ERBB4: variants seen among roughly 807,000 people sequenced by gnomAD.
ERBB4 encodes receptor tyrosine-protein kinase erbB-4.
ERBB4 carries 42 observed loss-of-function variants against 158.0 expected under a neutral mutation model. The observed-to-expected ratio is 0.27, with a 90% CI of 0.21 to 0.34. The LOEUF (loss-of-function observed/expected upper bound fraction) is 0.34. Among genes scored for constraint, ERBB4 ranks in the 10% least tolerant of loss-of-function variants. The pLI, the probability that ERBB4 is intolerant of heterozygous loss-of-function variation, is 1.00. For synonymous variants in ERBB4, 583 were observed against 558.7 expected, an observed-to-expected ratio of 1.04 and a Z score of -0.61; for missense variants, 1,333 against 1,624.1, an observed-to-expected ratio of 0.82 and a Z score of 3.08.
chr2:211,485,714 G>T (rs2065186557), intron 20 of ERBB4, among the ~76,000 whole-genome samples: 2 of 133,422 alleles, frequency 1.5e-5, no homozygotes, highest in South Asian at 2.9e-4. Flanking sequence ...TCAGTGGGGT[G>T]GGGGGAGGGG....
intron 1 of ERBB4, among the ~76,000 whole-genome samples, chr2:212,345,348 A>G (rs1488482123): frequency 6.6e-6 from 1 of 151,770 alleles, no homozygotes; most frequent in East Asian, 1.9e-4. Context: ...GCTATTCCTA[A>G]CAGAGTTTTA....
At chr2:212,262,919 G>A (rs1203837736) in intron 1 of ERBB4, among the ~76,000 whole-genome samples, 2 of 152,026 alleles carry the variant, frequency 1.3e-5, no homozygotes, top group African/African-American at 4.8e-5. Context: ...ATGTTCATTT[G>A]CAGTTATTTG....
At chr2:211,586,502 C>A (rs1407315613) in intron 19 of ERBB4, among the ~76,000 whole-genome samples, 1 of 152,114 alleles carries the variant, frequency 6.6e-6, no homozygotes, top group African/African-American at 2.4e-5. Flanking sequence ...TCGGTTCCTG[C>A]CATATCTTGT....
At chr2:211,595,014 A>G (rs2068588776) in intron 19 of ERBB4, among the ~76,000 whole-genome samples, 1 of 152,228 alleles carries the variant, frequency 6.6e-6, no homozygotes, top group South Asian at 2.1e-4. Flanking sequence ...CTTCTTGAAT[A>G]GAATGTCTTT....
At chr2:212,406,057 C>A (rs945877534) in intron 1 of ERBB4, among the ~76,000 whole-genome samples, 5 of 152,216 alleles carry the variant, frequency 3.3e-5, no homozygotes, top group Admixed American at 1.3e-4. Context: ...ACCTCCTAAA[C>A]CTACATTTCA....
chr2:211,943,103 C>A (rs115439983), intron 3 of ERBB4, among the ~76,000 whole-genome samples: 1 of 151,904 alleles, frequency 6.6e-6, no homozygotes, highest in East Asian at 1.9e-4. Flanking sequence ...ATGAAAGATT[C>A]CTTTATATCT....
At chr2:212,251,008 G>C (rs1052889831) in intron 1 of ERBB4, among the ~76,000 whole-genome samples, 1 of 151,886 alleles carries the variant, frequency 6.6e-6, no homozygotes, top group African/African-American at 2.4e-5. Flanking sequence ...CACAATTATG[G>C]AGTTAGTTTG....
chr2:211,472,247 A>G (rs1033065488), intron 20 of ERBB4, among the ~76,000 whole-genome samples: 1 of 151,460 alleles, frequency 6.6e-6, no homozygotes, highest in Non-Finnish European at 1.5e-5. Flanking sequence ...TTTTAGTGAT[A>G]ATGACAAGTG....
chr2:211,970,896 T>C (rs918918207), intron 2 of ERBB4, among the ~76,000 whole-genome samples: 1 of 152,206 alleles, frequency 6.6e-6, no homozygotes, highest in Non-Finnish European at 1.5e-5. Flanking sequence ...ACTATTGATA[T>C]GTGTGGATTT....
At chr2:211,960,014 C>A (rs190309327) in intron 2 of ERBB4, among the ~76,000 whole-genome samples, 2 of 152,096 alleles carry the variant, frequency 1.3e-5, no homozygotes, top group Admixed American at 1.3e-4. Flanking sequence ...GATACATTTG[C>A]CTGAGGAATA....
At chr2:212,376,299 G>C (rs1304743485) in intron 1 of ERBB4, among the ~76,000 whole-genome samples, 2 of 152,038 alleles carry the variant, frequency 1.3e-5, no homozygotes, top group Admixed American at 6.6e-5. Flanking sequence ...TGGCTACCAA[G>C]AGGTGGAAGT....
At chr2:212,114,157 T>C (rs111314004) in intron 2 of ERBB4, among the ~76,000 whole-genome samples, 5 of 152,182 alleles carry the variant, frequency 3.3e-5, no homozygotes, top group African/African-American at 2.4e-5. Context: ...ACTTAAATAA[T>C]TGTCATAGTA....
chr2:212,252,907 T>C (rs1340015821), intron 1 of ERBB4, among the ~76,000 whole-genome samples: 1 of 152,144 alleles, frequency 6.6e-6, no homozygotes, highest in African/African-American at 2.4e-5. Flanking sequence ...CTACAGACAT[T>C]AGATGCTCAG....
At chr2:211,393,429 G>A (rs151269387) in intron 25 of ERBB4, among the ~76,000 whole-genome samples, 18 of 152,252 alleles carry the variant, frequency 1.2e-4, no homozygotes, top group South Asian at 6.2e-4. Context: ...CACATAGCCC[G>A]TCACTCTATG....
chr2:211,399,149 A>G (rs527423105), intron 25 of ERBB4, among the ~76,000 whole-genome samples: 1 of 152,348 alleles, frequency 6.6e-6, no homozygotes, highest in Admixed American at 6.5e-5. Flanking sequence ...TATTGATTCA[A>G]AAAGTATTTA....
chr2:212,059,795 G>C (rs2077703029), intron 2 of ERBB4, among the ~76,000 whole-genome samples: 1 of 152,128 alleles, frequency 6.6e-6, no homozygotes, highest in South Asian at 2.1e-4. Context: ...ATTAATTCGA[G>C]ATGGATTAAA....
intron 20 of ERBB4, among the ~76,000 whole-genome samples, chr2:211,532,573 T>A (rs1260033086): frequency 1.3e-5 from 2 of 152,180 alleles, no homozygotes; most frequent in East Asian, 3.9e-4. Flanking sequence ...CGGTCCTTAG[T>A]ACCATATTAT....
chr2:211,485,712 G>T (rs1350184353), intron 20 of ERBB4, among the ~76,000 whole-genome samples: 1 of 134,860 alleles, frequency 7.4e-6, no homozygotes, highest in East Asian at 2.7e-4. Flanking sequence ...ACTCAGTGGG[G>T]TGGGGGGAGG....
intron 1 of ERBB4, among the ~76,000 whole-genome samples, chr2:212,366,192 A>T (rs886435091): frequency 3.9e-5 from 6 of 152,066 alleles, no homozygotes; most frequent in South Asian, 4.1e-4. Context: ...TGAAACAAGT[A>T]TTAGAGTATG....
Sources: gnomAD v4.1 joint callset for allele counts (sites outside exome capture counted in the v4.1 genomes callset) on GRCh38, gnomAD v4.1.1 for gene constraint, MANE v1.5 for transcripts, NCBI Gene and HGNC (gene_info 2026-07-23, HGNC 2026-07-21) for gene names.